The following ACTR3C variants were observed in gnomAD, a reference collection of about 807,000 sequenced individuals.
ACTR3C encodes the protein actin-related protein 3C.
In ACTR3C, 18 loss-of-function variants were observed where a neutral mutation model predicts 26.3. The ratio of observed to expected loss-of-function variants is 0.68; its 90% confidence interval spans 0.47 to 1.01. The LOEUF (loss-of-function observed/expected upper bound fraction) is 1.01, where lower values mean the gene tolerates loss of function less well. ACTR3C is among the 50% of genes least tolerant of loss of function. ACTR3C has a pLI of 0.00. For missense variants in ACTR3C, 184 were observed against 250.7 expected, an observed-to-expected ratio of 0.73 and a Z score of 1.80; for synonymous variants, 55 against 94.5, an observed-to-expected ratio of 0.58 and a Z score of 2.42.
At chr7:150,193,589 C>T in the ACTR3C span, among the ~76,000 whole-genome samples, 1 of 151,768 alleles carries the variant, frequency 6.6e-6, no homozygotes, top group Non-Finnish European at 1.5e-5. Flanking sequence ...TGGCTTTGTT[C>T]ATTACACAAA....
At chr7:150,157,711 T>G in the ACTR3C span, among the ~76,000 whole-genome samples, 1 of 151,746 alleles carries the variant, frequency 6.6e-6, no homozygotes, top group Non-Finnish European at 1.5e-5. Context: ...AGACGAAGAG[T>G]AGAATGGGGA....
At chr7:150,071,311 A>G in the ACTR3C span, among the ~76,000 whole-genome samples, 1 of 148,966 alleles carries the variant, frequency 6.7e-6, no homozygotes, top group Admixed American at 6.7e-5. Context: ...TTTTTAGTAG[A>G]GACGGGGTTT....
At chr7:150,102,037 TCA>T in the ACTR3C span, among the ~76,000 whole-genome samples, 2 of 151,680 alleles carry the variant, frequency 1.3e-5, no homozygotes, top group Non-Finnish European at 2.9e-5. Context: ...AATAGTGTAA[TCA>T]CTTCCCATCT....
the ACTR3C span, among the ~76,000 whole-genome samples, chr7:149,986,388 T>C: frequency 6.6e-6 from 1 of 152,230 alleles, no homozygotes; most frequent in Non-Finnish European, 1.5e-5. Context: ...TTGTCTATTT[T>C]AAAACTCTGG....
chr7:150,158,308 A>G, the ACTR3C span, among the ~76,000 whole-genome samples: 16 of 152,130 alleles, frequency 1.1e-4, no homozygotes, highest in African/African-American at 3.6e-4. Flanking sequence ...TAAAAATCAA[A>G]ATAGAACTGC....
At chr7:150,150,386 A>T in the ACTR3C span, among the ~76,000 whole-genome samples, 143 of 150,976 alleles carry the variant, frequency 9.5e-4, 7 homozygotes, top group African/African-American at 4.6e-4. Flanking sequence ...AGCTCTACAG[A>T]TGGGAGACAG....
At chr7:150,291,093 A>AGT (rs200323219) in intron 3 of ACTR3C, among the ~76,000 whole-genome samples, 106 of 151,676 alleles carry the variant, frequency 7.0e-4, no homozygotes, top group African/African-American at 1.5e-3. Flanking sequence ...TTGTGTTTAA[A>AGT]GTGTGTGTGT....
chr7:150,106,602 A>T, the ACTR3C span, among the ~76,000 whole-genome samples: 1 of 140,382 alleles, frequency 7.1e-6, no homozygotes, highest in Non-Finnish European at 1.5e-5. Flanking sequence ...TAATTCACTT[A>T]TAAAAGGAGT....
In ACTR3C at chr7:150,286,434, T is replaced by C. The variant is rs1835777418; in HGVS notation, c.404A>G (p.Gln135Arg). ...ACCAACGTCTATAACAAACTTCTTC[T>C]GGTTGATCGCATTGATACCCGTGTA... ...KQYTGINAIN[Q>R]KKFVIDVGYE... is the part of the protein sequence containing the mutation. The change falls in exon 5 of 8, where the codon CAG becomes CGG. Residue 135 changes from glutamine to arginine, a missense_variant. Physicochemically the swap from Gln to Arg is conservative, Grantham distance 43 (BLOSUM62 1). Transcript: ENST00000683684. 6.2e-7 allele frequency: 1 copy of C among 1,613,522 alleles called. No individual in the cohort carries two copies. The highest frequency in any genetic ancestry group is 1.1e-5 in the South Asian group (1 of 90,898).
intron 1 of ACTR3C, among the ~76,000 whole-genome samples, chr7:150,318,137 A>G (rs544694944): frequency 1.3e-5 from 2 of 152,348 alleles, no homozygotes; most frequent in African/African-American, 4.8e-5. Flanking sequence ...GGCTAAAGCT[A>G]TGACGGTGAA....
At chr7:150,194,279 T>TA in the ACTR3C span, among the ~76,000 whole-genome samples, 61 of 146,564 alleles carry the variant, frequency 4.2e-4, no homozygotes, top group South Asian at 2.1e-4. Flanking sequence ...TATATTATTA[T>TA]ATAATATATA....
the ACTR3C span, among the ~76,000 whole-genome samples, chr7:150,057,934 A>C: frequency 6.6e-6 from 1 of 152,356 alleles, no homozygotes; most frequent in South Asian, 2.1e-4. Flanking sequence ...TTGAGGAAAA[A>C]TAATCACTAA....
At chr7:150,185,078 T>G in the ACTR3C span, among the ~76,000 whole-genome samples, 1 of 151,748 alleles carries the variant, frequency 6.6e-6, no homozygotes, top group South Asian at 2.1e-4. Flanking sequence ...TAACTAGACC[T>G]GATCCCTTTG....
At chr7:150,270,647 C>T (rs1184567048) in intron 6 of ACTR3C, among the ~76,000 whole-genome samples, 1 of 152,186 alleles carries the variant, frequency 6.6e-6, no homozygotes, top group East Asian at 1.9e-4. Flanking sequence ...CTCAGCACAG[C>T]ACTCTAACCA....
chr7:149,883,584 C>T, the ACTR3C span, among the ~76,000 whole-genome samples: 3,927 of 152,262 alleles, frequency 0.026, 166 homozygotes, highest in African/African-American at 0.09. Flanking sequence ...AAGAGTATGG[C>T]CAACAGAGGG....
the ACTR3C span, among the ~76,000 whole-genome samples, chr7:150,220,392 G>A: frequency 6.9e-6 from 1 of 145,320 alleles, no homozygotes; most frequent in Non-Finnish European, 1.5e-5. Context: ...GCGCCTCGGG[G>A]GAGACGCGAG....
the ACTR3C span, among the ~76,000 whole-genome samples, chr7:149,884,353 A>G: frequency 2.0e-5 from 3 of 152,218 alleles, no homozygotes; most frequent in East Asian, 3.8e-4. Flanking sequence ...CATTGGGGAA[A>G]TGTTGGTCAA....
chr7:149,915,557 T>G, the ACTR3C span, among the ~76,000 whole-genome samples: 7 of 151,894 alleles, frequency 4.6e-5, no homozygotes, highest in Non-Finnish European at 8.8e-5. Flanking sequence ...TGGTTCAGGA[T>G]GAGGAAGAGT....
chr7:150,249,925 A>G (rs79351526), intron 6 of ACTR3C, among the ~76,000 whole-genome samples: 3,751 of 152,308 alleles, frequency 0.025, 81 homozygotes, highest in East Asian at 0.08. Context: ...ACTCCACGTG[A>G]TAAGGCCTCA....
Sources: allele counts gnomAD v4.1 joint callset (sites outside exome capture counted in the v4.1 genomes callset), GRCh38; gene constraint gnomAD v4.1.1; transcripts MANE v1.5; gene names NCBI Gene and HGNC (gene_info 2026-07-23, HGNC 2026-07-21).